Variants in FLT3 observed in about 807,000 individuals in gnomAD.
FLT3 encodes fms related receptor tyrosine kinase 3.
In FLT3, 46 loss-of-function variants were observed where a neutral mutation model predicts 126.6. That is an observed-to-expected ratio of 0.36 (90% CI 0.29 to 0.46). The LOEUF (loss-of-function observed/expected upper bound fraction) is 0.46. Ranked by LOEUF, FLT3 falls within the 20% of genes least tolerant of loss-of-function variation. FLT3 has a pLI of 1.00. For missense variants in FLT3, 1,069 were observed against 1,190.3 expected, an observed-to-expected ratio of 0.90 and a Z score of 1.50; for synonymous variants, 404 against 434.4, an observed-to-expected ratio of 0.93 and a Z score of 0.87.
chr13:28,018,290 T>C (rs1872065715), intron 20 of FLT3, among the ~76,000 whole-genome samples, 177 bp downstream of exon 20: 1 of 152,216 alleles, frequency 6.6e-6, no homozygotes, highest in Non-Finnish European at 1.5e-5. Flanking sequence ...TTATTATAGA[T>C]GGAAGATTCC....
At chr13:28,048,064 T>C (rs1875060793) in intron 9 of FLT3, among the ~76,000 whole-genome samples, 2 of 152,236 alleles carry the variant, frequency 1.3e-5, no homozygotes, top group Non-Finnish European at 1.5e-5. Context: ...CTTTCTGTTT[T>C]CATGCAGCAG....
At chr13:28,055,028 G>C (rs1042773773) in intron 4 of FLT3, among the ~76,000 whole-genome samples, 30 of 151,990 alleles carry the variant, frequency 2.0e-4, no homozygotes, top group Admixed American at 6.6e-5. Flanking sequence ...TTTGTTGATT[G>C]TGAACTGCAA....
At position 28,072,074 on chromosome 13, in the gene FLT3, T is replaced by C. The variant is rs1378243465; in HGVS notation, c.44-1462A>G. Among the ~76,000 whole-genome samples the C allele has an allele frequency of 4.6e-5, 7 of 151,986 alleles. No homozygotes were observed. In the South Asian group the frequency reaches 1.2e-3, roughly 27 times the overall value. On this transcript the variant is annotated intron_variant, in intron 1 of 23. Transcript: ENST00000241453. ...GTTTCTTTGGGGGTATTAGGTATAA[T>C]TGGCAAATAAAAATTGCAGTGTACA...
intron 1 of FLT3, among the ~76,000 whole-genome samples, chr13:28,082,186 T>C (rs1878369165): frequency 6.6e-6 from 1 of 152,114 alleles, no homozygotes; most frequent in Non-Finnish European, 1.5e-5. Flanking sequence ...GATCTTGCTC[T>C]GTCGCCCAGG....
intron 21 of FLT3, 68 bp from the exon 22 acceptor site, chr13:28,015,324 T>C (rs1415463276): frequency 1.9e-6 from 2 of 1,051,772 alleles, no homozygotes; most frequent in Admixed American, 3.8e-5. Flanking sequence ...TTCATTCAAT[T>C]AAACACGTAT....
intron 20 of FLT3, among the ~76,000 whole-genome samples, chr13:28,017,674 T>G (rs1042175630): frequency 3.2e-4 from 47 of 147,066 alleles, no homozygotes; most frequent in African/African-American, 1.0e-3. Flanking sequence ...TGTTTTTTTT[T>G]TTTTTTTGAG....
In FLT3 at chr13:28,027,146, T is replaced by C; in HGVS notation, c.2149A>G (p.Ile717Val). Residue 717 changes from isoleucine (I) to valine (V), a missense_variant, in exon 17 of 24, where the codon ATT (isoleucine) becomes GTT (valine). Ile to Val is a conservative substitution (Grantham distance 29). Coordinates refer to ENST00000241453, the MANE Select transcript of FLT3 (RefSeq NM_004119.3). ...AAACTGAAATTGTGTTCCTTGAAAA[T>C]CTCTGTCCAAGTCCTGTGAAATTTT... The part of the protein sequence containing the change: ...REKFHRTWTE[I>V]FKEHNFSFYP... 1 of 1,613,924 alleles carries C rather than the reference T, an allele frequency of 6.2e-7. No homozygotes were observed. Among genetic ancestry groups the C allele is most frequent in the Non-Finnish European group, 8.5e-7 (1 of 1,179,824 alleles).
At chr13:28,026,595 CA>C (rs1872824975) in intron 17 of FLT3, among the ~76,000 whole-genome samples, 1 of 146,598 alleles carries the variant, frequency 6.8e-6, no homozygotes, top group Non-Finnish European at 1.5e-5. Context: ...AGGATAAACA[CA>C]GAGCAGAGAC....
chr13:28,016,054 T>C (rs1412766965), intron 20 of FLT3, among the ~76,000 whole-genome samples: 1 of 152,274 alleles, frequency 6.6e-6, no homozygotes, highest in East Asian at 1.9e-4. Context: ...GATCTTCTGT[T>C]ACAGCATTTC....
chr13:28,006,860 C>T (rs1870952650), intron 23 of FLT3, among the ~76,000 whole-genome samples: 1 of 151,712 alleles, frequency 6.6e-6, no homozygotes, highest in African/African-American at 2.4e-5. Context: ...AATTCTTGTG[C>T]CTCAAGTAGC....
chr13:28,015,547 G>T, intron 21 of FLT3, 43 bp downstream of exon 21: 1 of 1,157,256 alleles, frequency 8.6e-7, no homozygotes, highest in Non-Finnish European at 1.3e-6. Context: ...AGCAGAGGAT[G>T]CAAAGCCAGG....
intron 3 of FLT3, among the ~76,000 whole-genome samples, chr13:28,059,608 C>A (rs1876353594): frequency 2.0e-5 from 3 of 152,120 alleles, no homozygotes; most frequent in Admixed American, 2.0e-4. Flanking sequence ...TAGATAAGAT[C>A]AAATGTTCTT....
In FLT3 at chr13:28,024,856, A is replaced by T; in HGVS notation, c.2290+5T>A. 6.4e-7 allele frequency: 1 copy of T among 1,574,382 alleles called. No homozygotes were observed. The highest frequency in any genetic ancestry group is 8.7e-7 in the Non-Finnish European group (1 of 1,150,266). On this transcript the variant is annotated splice_donor_5th_base_variant and intron_variant, in intron 18 of 23. Coordinates refer to ENST00000241453, the MANE Select transcript of FLT3 (RefSeq NM_004119.3). ...AAAGTGCTACTACTTAGAATAAAATATTACCTTCAGAGTGAAATGAATTCC... is the reference window on the plus strand; with the variant it reads ...AAAGTGCTACTACTTAGAATAAAATTTTACCTTCAGAGTGAAATGAATTCC...
intron 17 of FLT3, among the ~76,000 whole-genome samples, chr13:28,025,716 T>C (rs1049860378): frequency 6.6e-6 from 1 of 152,236 alleles, no homozygotes; most frequent in African/African-American, 2.4e-5. Context: ...ATAGCCCCTC[T>C]GTTCCAGAAT....
At chr13:28,013,435 G>A (rs550794456) in intron 23 of FLT3, among the ~76,000 whole-genome samples, 1 of 152,276 alleles carries the variant, frequency 6.6e-6, no homozygotes, top group East Asian at 1.9e-4. Flanking sequence ...AACTGAGAAG[G>A]AGACTTCCCA....
At position 28,015,151 on chromosome 13, in the gene FLT3, A is replaced by G; in HGVS notation, c.2753+6T>C. The G allele has an allele frequency of 1.3e-6, 2 of 1,544,434 alleles. No individual in the cohort carries two copies. Among genetic ancestry groups the G allele is most frequent in the African/African-American group, 1.4e-5 (1 of 73,704 alleles). ...TCAACCAAATTACAGTCTGACTTGAACTTACATTTCTTCTGTAGCATAAAA... is the reference window on the plus strand; with the variant it reads ...TCAACCAAATTACAGTCTGACTTGAGCTTACATTTCTTCTGTAGCATAAAA... On this transcript the variant is annotated splice_donor_region_variant and intron_variant, in intron 22 of 23. Transcript: ENST00000241453.
chr13:28,050,810 G>A (rs1436058621), intron 5 of FLT3, among the ~76,000 whole-genome samples: 1 of 148,776 alleles, frequency 6.7e-6, no homozygotes, highest in Non-Finnish European at 1.5e-5. Context: ...CAAAGTATTT[G>A]GTACTTTTTC....
At chr13:28,058,443 C>A (rs1477019327) in intron 3 of FLT3, among the ~76,000 whole-genome samples, 1 of 151,778 alleles carries the variant, frequency 6.6e-6, no homozygotes, top group Non-Finnish European at 1.5e-5. Flanking sequence ...ACCCGGGAGG[C>A]GGAGGTTGCG....
At chr13:28,011,144 T>G (rs1413162114) in intron 23 of FLT3, among the ~76,000 whole-genome samples, 2 of 151,526 alleles carry the variant, frequency 1.3e-5, no homozygotes, top group African/African-American at 2.4e-5. Flanking sequence ...ACTCCGTCTC[T>G]GCTAAAAACA....
Sources: allele counts gnomAD v4.1 joint callset (sites outside exome capture counted in the v4.1 genomes callset), GRCh38; gene constraint gnomAD v4.1.1; transcripts MANE v1.5; gene names NCBI Gene and HGNC (gene_info 2026-07-23, HGNC 2026-07-21).